The following TTLL7 variants were observed in gnomAD, a reference collection of about 807,000 sequenced individuals.
TTLL7 encodes the protein tubulin polyglutamylase TTLL7.
Under a neutral mutation model 120.2 loss-of-function variants are expected in TTLL7, and 53 were observed. The ratio of observed to expected loss-of-function variants is 0.44; its 90% CI spans 0.35 to 0.55. The LOEUF (loss-of-function observed/expected upper bound fraction) is 0.55. Among genes scored for constraint, TTLL7 ranks in the 20% least tolerant of loss-of-function variants. The pLI, the probability that TTLL7 is intolerant of heterozygous loss-of-function variation, is 0.00. For missense variants in TTLL7, 803 were observed against 1,054.7 expected (o/e 0.76, Z 3.31); for synonymous variants, 353 against 351.7 (o/e 1.00, Z -0.04).
rs1442966395 is a variant in TTLL7 at position 83,892,981 on chromosome 1, AGAGGG to A, written c.2209-2505_2209-2501del. 1.1e-3 allele frequency among the ~76,000 whole-genome samples: 166 copies of A among 144,570 alleles called. 2 individuals are homozygous for A. Among genetic ancestry groups the A allele is most frequent in the African/African-American group, 1.9e-3 (72 of 37,666 alleles). The allele number at this position is 144,570 out of a possible 152,430, so 94.8% of individuals were successfully genotyped here. On this transcript the variant is annotated intron_variant, in intron 18 of 20. Coordinates refer to ENST00000260505, the MANE Select transcript of TTLL7 (RefSeq NM_024686.6). ...AATAAAAGAAAGAAAGAGAAAAAAG[AGAGGG>A]GAGGGGAGGGGAGAGGAGAGGAGAG...
At chr1:83,890,816 T>C (rs1035209075) in intron 18 of TTLL7, among the ~76,000 whole-genome samples, 2 of 152,130 alleles carry the variant, frequency 1.3e-5, no homozygotes, top group African/African-American at 4.8e-5. Context: ...AATAGGCCCA[T>C]GCATTTATGA....
chr1:83,932,712 A>G (rs1236096985), intron 9 of TTLL7, among the ~76,000 whole-genome samples: 2 of 152,174 alleles, frequency 1.3e-5, no homozygotes, highest in Non-Finnish European at 2.9e-5. Context: ...CTTCTAACTT[A>G]TAAATCACTA....
Position 83,947,296 on chromosome 1 carries a change from A to G in TTLL7, c.348-14T>C. 1 of 1,574,604 alleles carries G rather than the reference A, an allele frequency of 6.4e-7. No homozygotes were observed. Among genetic ancestry groups the G allele is most frequent in the Non-Finnish European group, 8.6e-7 (1 of 1,167,112 alleles). On this transcript the variant is annotated splice_polypyrimidine_tract_variant and intron_variant, in intron 5 of 20. Coordinates refer to ENST00000260505, the MANE Select transcript of TTLL7 (RefSeq NM_024686.6). Reference sequence around the variant, plus strand: ...GACTTGATCATTCTGTAAATTGGACATAATAGGAAAAATAATTTCTATTCA... The same window carrying G: ...GACTTGATCATTCTGTAAATTGGACGTAATAGGAAAAATAATTTCTATTCA...
intron 1 of TTLL7, among the ~76,000 whole-genome samples, chr1:83,969,986 C>T (rs995416738): frequency 6.6e-6 from 1 of 151,980 alleles, no homozygotes; most frequent in Non-Finnish European, 1.5e-5. Context: ...ATATTATATT[C>T]ACTGTCTACC....
intron 8 of TTLL7, among the ~76,000 whole-genome samples, chr1:83,934,823 T>A (rs1647248930): frequency 6.6e-6 from 1 of 152,180 alleles, no homozygotes; most frequent in Non-Finnish European, 1.5e-5. Context: ...TTAAACTTTG[T>A]GTGTCTCATT....
intron 15 of TTLL7, among the ~76,000 whole-genome samples, chr1:83,909,267 TC>T (rs869079189): frequency 1.7e-5 from 1 of 60,576 alleles, no homozygotes; most frequent in Non-Finnish European, 5.3e-5. Context: ...CTTTTTTTTT[TC>T]CTTTTTTTTT....
chr1:83,911,267 ATTC>A lies in TTLL7; in HGVS notation c.1681_1683del (p.Glu561del). 6.2e-7 allele frequency: 1 copy of A among 1,613,632 alleles called. No homozygotes were observed. ...TACTCTTCTTTTTCATTTTCGTCAG[ATTC>A]TGAAGAGCTGCTGCTACTATCATAA... On this transcript the variant is annotated inframe_deletion, in exon 15 of 21. Transcript: ENST00000260505.
chr1:83,877,906 G>T (rs1276903553), intron 20 of TTLL7, among the ~76,000 whole-genome samples: 2 of 151,368 alleles, frequency 1.3e-5, no homozygotes, highest in African/African-American at 2.4e-5. Context: ...TCTAAAAATG[G>T]TTGCTTAGAT....
chr1:83,892,180 G>A (rs1195131779), intron 18 of TTLL7, among the ~76,000 whole-genome samples: 5 of 145,340 alleles, frequency 3.4e-5, no homozygotes, highest in African/African-American at 1.3e-4. Flanking sequence ...AAACACATGG[G>A]GAATACACAT....
At chr1:83,967,587 C>A (rs1650586098) in intron 1 of TTLL7, among the ~76,000 whole-genome samples, 1 of 152,062 alleles carries the variant, frequency 6.6e-6, no homozygotes, top group African/African-American at 2.4e-5. Context: ...CTAATATCAA[C>A]AATCTGCATG....
At chr1:83,899,014 T>A (rs1036849270) in intron 18 of TTLL7, among the ~76,000 whole-genome samples, 6 of 151,944 alleles carry the variant, frequency 3.9e-5, no homozygotes, top group African/African-American at 1.4e-4. Flanking sequence ...TTTGTTAGGC[T>A]TCTTTTTGTG....
chr1:83,949,835 A>T (rs776631926), intron 4 of TTLL7, 30 bp downstream of exon 4: 12 of 1,610,806 alleles, frequency 7.4e-6, no homozygotes, highest in Non-Finnish European at 9.3e-6. Context: ...CTTTCCTCAT[A>T]CCACTAACTG....
intron 1 of TTLL7, among the ~76,000 whole-genome samples, chr1:83,960,875 G>C (rs1571317567): frequency 6.6e-6 from 1 of 152,188 alleles, no homozygotes; most frequent in East Asian, 1.9e-4. Context: ...CAAATTGAAA[G>C]GGTATTTAGA....
chr1:83,940,555 C>T (rs1388345822), intron 7 of TTLL7, among the ~76,000 whole-genome samples: 1 of 152,118 alleles, frequency 6.6e-6, no homozygotes, highest in Non-Finnish European at 1.5e-5. Context: ...CATCAGATGT[C>T]AGAAACCTGA....
chr1:83,902,590 C>T (rs1478282836), intron 18 of TTLL7, among the ~76,000 whole-genome samples: 1 of 151,876 alleles, frequency 6.6e-6, no homozygotes, highest in Non-Finnish European at 1.5e-5. Flanking sequence ...ATGGTTTTTT[C>T]ACATTTTACT....
At position 83,867,801 on chromosome 1, in the gene TTLL7, C is replaced by T. The variant is rs1184218043; in HGVS notation, c.*2161G>A. 6.6e-6 allele frequency: 1 copy of T among 151,818 alleles called. No homozygotes were observed. Among genetic ancestry groups the T allele is most frequent in the Non-Finnish European group, 1.5e-5 (1 of 67,898 alleles). The allele number at this position is 151,818 out of a possible 1,614,324, so 9.4% of individuals were successfully genotyped here. A position where few individuals can be genotyped will look rare whatever the true frequency, so the allele number is the denominator to read the frequency against. On this transcript the variant is annotated 3_prime_UTR_variant, in exon 21 of 21. Coordinates refer to ENST00000260505, the MANE Select transcript of TTLL7 (RefSeq NM_024686.6). ...ATGAACTCCATGAAAAGACTTATTACTTGTTGATCATCTTTATGGTGATTC... is the reference window on the plus strand; with the variant it reads ...ATGAACTCCATGAAAAGACTTATTATTTGTTGATCATCTTTATGGTGATTC...
At chr1:83,889,533 T>G (rs1441598848) in intron 19 of TTLL7, among the ~76,000 whole-genome samples, 1 of 152,132 alleles carries the variant, frequency 6.6e-6, no homozygotes, top group African/African-American at 2.4e-5. Context: ...TGTGCCTCAG[T>G]TTCCTTATCT....
At chr1:83,875,251 G>C (rs113063210) in intron 20 of TTLL7, among the ~76,000 whole-genome samples, 1 of 151,814 alleles carries the variant, frequency 6.6e-6, no homozygotes, top group Non-Finnish European at 1.5e-5. Flanking sequence ...CCATAATTTA[G>C]TTTTGCCTGT....
chr1:83,925,513 C>A (rs762127960), intron 10 of TTLL7, among the ~76,000 whole-genome samples: 1 of 152,122 alleles, frequency 6.6e-6, no homozygotes, highest in African/African-American at 2.4e-5. Context: ...AGGAAGGAAA[C>A]CAATAAAATA....
Sources: allele counts gnomAD v4.1 joint callset (sites outside exome capture counted in the v4.1 genomes callset), GRCh38; gene constraint gnomAD v4.1.1; transcripts MANE v1.5; gene names NCBI Gene and HGNC (gene_info 2026-07-23, HGNC 2026-07-21).